DNAJC11: variants seen among roughly 807,000 people sequenced by gnomAD.
The protein encoded by DNAJC11 is DnaJ heat shock protein family (Hsp40) member C11, also known as dnaJ homolog subfamily C member 11.
Under a neutral mutation model 78.6 loss-of-function variants are expected in DNAJC11, and 15 were observed. The observed-to-expected ratio is 0.19, with a 90% CI of 0.13 to 0.29. DNAJC11 has a LOEUF of 0.29. Among genes scored for constraint, DNAJC11 ranks in the 10% least tolerant of loss-of-function variants. The pLI is 1.00. For synonymous variants in DNAJC11, 292 were observed against 272.1 expected (o/e 1.07, Z -0.72); for missense variants, 547 against 709.6 (o/e 0.77, Z 2.60).
intron 10 of DNAJC11, among the ~76,000 whole-genome samples, chr1:6,640,299 G>C (rs970587401): frequency 6.6e-6 from 1 of 152,154 alleles, no homozygotes; most frequent in Non-Finnish European, 1.5e-5. Flanking sequence ...TCAAGCCAAA[G>C]CAACAAGAGG....
Position 6,695,627 on chromosome 1 carries a change from T to TAAAAAAAAA in DNAJC11, c.72+6093_72+6101dup, listed in dbSNP as rs70984004. On this transcript the variant is annotated intron_variant, in intron 1 of 15. Coordinates refer to ENST00000377577, the MANE Select transcript of DNAJC11 (RefSeq NM_018198.4). Reference sequence around the variant, plus strand: ...CAACATAGTGAAACCCTATCTCTACTAAAAAAAAAAAAAAAAAAAAAAAAA... The same window carrying TAAAAAAAAA: ...CAACATAGTGAAACCCTATCTCTACTAAAAAAAAAAAAAAAAAAAAAAAAAAAAAAAAAA... Among the ~76,000 whole-genome samples, 160 of 82,984 alleles carry TAAAAAAAAA rather than the reference T, an allele frequency of 1.9e-3. 5 individuals are homozygous for TAAAAAAAAA. Among genetic ancestry groups the TAAAAAAAAA allele is most frequent in the African/African-American group, 2.5e-3 (56 of 22,464 alleles). The allele number at this position is 82,984 out of a possible 152,430, so 54.4% of individuals were successfully genotyped here.
intron 6 of DNAJC11, among the ~76,000 whole-genome samples, chr1:6,652,093 G>A (rs996316842): frequency 2.0e-5 from 3 of 152,214 alleles, no homozygotes; most frequent in Admixed American, 6.5e-5. Context: ...TTCCACACCC[G>A]CACAGCCTTG....
rs771423076 is a variant in DNAJC11, at chr1:6,651,516, C to T, written c.704+13G>A. On this transcript the variant is annotated intron_variant, in intron 7 of 15. Transcript: ENST00000377577. ...AAGACCACCAAAGAGGAGCTGCTGT[C>T]TCTCATATTTACCATCTTGGTGTGA... 1.2e-6 allele frequency: 2 copies of T among 1,612,280 alleles called. No individual in the cohort carries two copies. The highest frequency in any genetic ancestry group is 8.5e-7 in the Non-Finnish European group (1 of 1,178,440).
At chr1:6,662,443 C>A (rs1333106094) in intron 4 of DNAJC11, among the ~76,000 whole-genome samples, 1 of 152,134 alleles carries the variant, frequency 6.6e-6, no homozygotes, top group Non-Finnish European at 1.5e-5. Context: ...ATCCACCCAC[C>A]TCAGCCTCCC....
intron 7 of DNAJC11, among the ~76,000 whole-genome samples, chr1:6,647,833 CA>C (rs1361373177): frequency 2.0e-5 from 3 of 151,698 alleles, no homozygotes; most frequent in African/African-American, 4.8e-5. Flanking sequence ...ACAAAACAAA[CA>C]AAAAAAAGAA....
In DNAJC11 at chr1:6,637,184, TG is replaced by T. The variant is rs1352475447; in HGVS notation, c.1524+13del. On this transcript the variant is annotated intron_variant, in intron 14 of 15. Coordinates refer to ENST00000377577, the MANE Select transcript of DNAJC11 (RefSeq NM_018198.4). ...CTGTGAGCACATAGCATGTGGTGGC[TG>T]GTGCTGCTGTACCTTGGAGGCCTCC... 1.7e-5 allele frequency: 28 copies of T among 1,613,872 alleles called. No individual in the cohort carries two copies. The highest frequency in any genetic ancestry group is 2.4e-5 in the Non-Finnish European group (28 of 1,179,944).
intron 1 of DNAJC11, among the ~76,000 whole-genome samples, chr1:6,681,954 C>T (rs71629795): frequency 1.8e-3 from 280 of 152,150 alleles, no homozygotes; most frequent in Non-Finnish European, 3.0e-3. Flanking sequence ...GATTTGAGGA[C>T]GTATCCCCAC....
At position 6,668,508 on chromosome 1, in the gene DNAJC11, C is replaced by A. The variant is rs926683992; in HGVS notation, c.277-698G>T. On this transcript the variant is annotated intron_variant, in intron 3 of 15. Transcript: ENST00000377577. Reference sequence around the variant, plus strand: ...CAAATGTTAAATATCAAGACGAAGGCAAGCTGGCTCTCCCTAGTGGTCTGA... The same window carrying A: ...CAAATGTTAAATATCAAGACGAAGGAAAGCTGGCTCTCCCTAGTGGTCTGA... 2.6e-5 allele frequency among the ~76,000 whole-genome samples: 4 copies of A among 152,248 alleles called. No individual in the cohort carries two copies. The South Asian group carries it at 8.3e-4, about 32-fold the overall frequency.
At chr1:6,682,620 G>A (rs142852133) in intron 1 of DNAJC11, among the ~76,000 whole-genome samples, 3 of 152,250 alleles carry the variant, frequency 2.0e-5, no homozygotes, top group Non-Finnish European at 4.4e-5. Context: ...AACTTTACTC[G>A]ATTCTGCTAT....
chr1:6,665,691 A>G (rs193000202), intron 4 of DNAJC11, among the ~76,000 whole-genome samples: 240 of 152,264 alleles, frequency 1.6e-3, no homozygotes, highest in Non-Finnish European at 3.1e-3. Flanking sequence ...TAGAGTCCCA[A>G]TAAGCAACTG....
At chr1:6,651,002 C>T (rs752981121) in intron 7 of DNAJC11, 1 of 518,088 alleles carries the variant, frequency 1.9e-6, no homozygotes, top group Non-Finnish European at 4.0e-6. Context: ...CTCACACAGA[C>T]ATCACTGCAC....
In DNAJC11 at chr1:6,675,078, G is replaced by A. The variant is rs566173721; in HGVS notation, c.276+3316C>T. Among the ~76,000 whole-genome samples, 27 of 152,338 alleles carry A rather than the reference G, an allele frequency of 1.8e-4. No individual in the cohort carries two copies. In the South Asian group the frequency reaches 5.4e-3, roughly 30 times the overall value. On this transcript the variant is annotated intron_variant, in intron 3 of 15. Coordinates refer to ENST00000377577, the MANE Select transcript of DNAJC11 (RefSeq NM_018198.4). ...ATCCTCATATGGAACAATCCATCCAGCTGTAGGAATTCCTTGAAGGAATGT... is the reference window on the plus strand; with the variant it reads ...ATCCTCATATGGAACAATCCATCCAACTGTAGGAATTCCTTGAAGGAATGT...
At chr1:6,667,550 A>G (rs890296927) in intron 4 of DNAJC11, among the ~76,000 whole-genome samples, 159 bp downstream of exon 4, 1 of 152,176 alleles carries the variant, frequency 6.6e-6, no homozygotes, top group African/African-American at 2.4e-5. Context: ...GGTGTTTTCC[A>G]GAAAGATACA....
chr1:6,657,906 A>G (rs1391998691), intron 4 of DNAJC11, among the ~76,000 whole-genome samples: 1 of 152,216 alleles, frequency 6.6e-6, no homozygotes, highest in African/African-American at 2.4e-5. Context: ...TGGCCTCCCA[A>G]AGTGCTGGGA....
intron 7 of DNAJC11, among the ~76,000 whole-genome samples, chr1:6,647,741 G>C (rs916115407): frequency 2.0e-5 from 3 of 152,084 alleles, no homozygotes; most frequent in East Asian, 1.9e-4. Flanking sequence ...CTTGAACCTG[G>C]GAGGTGGAGG....
At position 6,635,567 on chromosome 1, in the gene DNAJC11, AATAAT is replaced by A; in HGVS notation, c.*103_*107del. Reference sequence around the variant, plus strand: ...TGATAATGGTACCACCTTCTATAATAATAATATAAAATAAAAACATCTGATGTCTG... The same window carrying A: ...TGATAATGGTACCACCTTCTATAATAATAAAATAAAAACATCTGATGTCTG... On this transcript the variant is annotated 3_prime_UTR_variant, in exon 16 of 16. Transcript: ENST00000377577. 2 of 1,164,164 alleles carry A rather than the reference AATAAT, an allele frequency of 1.7e-6. No homozygotes were observed. The highest frequency in any genetic ancestry group is 1.2e-6 in the Non-Finnish European group (1 of 813,028). 72.1% of individuals were successfully genotyped at this position (1,164,164 alleles called of 1,614,324 possible).
intron 1 of DNAJC11, among the ~76,000 whole-genome samples, chr1:6,692,462 C>T (rs1364655480): frequency 2.0e-5 from 3 of 151,940 alleles, no homozygotes; most frequent in Middle Eastern, 3.4e-3. Context: ...CTTGAGCCTG[C>T]ACCCTACTCC....
At chr1:6,642,738 G>C (rs941719889) in intron 10 of DNAJC11, among the ~76,000 whole-genome samples, 4 of 152,210 alleles carry the variant, frequency 2.6e-5, no homozygotes, top group Admixed American at 2.6e-4. Flanking sequence ...GGTTCTGAAG[G>C]TTCTTCGTTT....
chr1:6,651,094 G>A (rs570141552), intron 7 of DNAJC11: 2 of 534,886 alleles, frequency 3.7e-6, no homozygotes, highest in Admixed American at 1.9e-5. Flanking sequence ...CATGGCAGCA[G>A]CAGAGACGAC....
Sources: gnomAD v4.1 joint callset for allele counts (sites outside exome capture counted in the v4.1 genomes callset) on GRCh38, gnomAD v4.1.1 for gene constraint, MANE v1.5 for transcripts, NCBI Gene and HGNC (gene_info 2026-07-23, HGNC 2026-07-21) for gene names.